Variants in LRRC49 observed in about 807,000 individuals in gnomAD.
LRRC49 encodes leucine rich repeat containing 49, also known as leucine-rich repeat-containing protein 49.
In LRRC49, 50 loss-of-function variants were observed where a neutral mutation model predicts 83.3. The observed-to-expected ratio is 0.60, with a 90% confidence interval of 0.48 to 0.76. The LOEUF is 0.76. Among genes scored for constraint, LRRC49 ranks in the 30% least tolerant of loss-of-function variants. The pLI, the probability that LRRC49 is intolerant of heterozygous loss-of-function variation, is 0.00. For synonymous variants in LRRC49, 286 were observed against 283.3 expected, an observed-to-expected ratio of 1.01 and a Z score of -0.10; for missense variants, 704 against 809.1, an observed-to-expected ratio of 0.87 and a Z score of 1.58.
At chr15:70,878,642 T>C (rs928551398) in intron 2 of LRRC49, among the ~76,000 whole-genome samples, 1 of 152,226 alleles carries the variant, frequency 6.6e-6, no homozygotes, top group Non-Finnish European at 1.5e-5. Context: ...CTTAGTTTAT[T>C]GGTAGGTTTT....
chr15:70,872,294 C>G (rs1366521268), intron 1 of LRRC49, among the ~76,000 whole-genome samples: 3 of 152,184 alleles, frequency 2.0e-5, no homozygotes, highest in Admixed American at 6.5e-5. Context: ...ACTGGGCAGG[C>G]TGAGGCAGGA....
intron 8 of LRRC49, among the ~76,000 whole-genome samples, chr15:70,942,809 T>TG (rs1033224610): frequency 1.3e-5 from 2 of 152,040 alleles, no homozygotes; most frequent in African/African-American, 4.8e-5. Context: ...CAACTCGAAG[T>TG]GGGGGGAGAA....
chr15:70,941,664 C>T (rs1400328452), intron 8 of LRRC49, among the ~76,000 whole-genome samples: 1 of 152,196 alleles, frequency 6.6e-6, no homozygotes, highest in African/African-American at 2.4e-5. Flanking sequence ...ATTATTATTA[C>T]ATAGCTTCTT....
intron 2 of LRRC49, among the ~76,000 whole-genome samples, chr15:70,885,717 A>C (rs1034311829): frequency 6.6e-6 from 1 of 152,238 alleles, no homozygotes; most frequent in Non-Finnish European, 1.5e-5. Flanking sequence ...TTCAAGATAT[A>C]TACCACCAAA....
intron 14 of LRRC49, among the ~76,000 whole-genome samples, chr15:71,032,912 A>C (rs1185378729): frequency 1.3e-5 from 2 of 152,238 alleles, no homozygotes; most frequent in Admixed American, 6.5e-5. Context: ...ATCATACTGA[A>C]TGGTCAAAAG....
At chr15:70,877,809 C>T (rs1380493104) in intron 2 of LRRC49, among the ~76,000 whole-genome samples, 1 of 152,178 alleles carries the variant, frequency 6.6e-6, no homozygotes, top group African/African-American at 2.4e-5. Context: ...GTTCCAGTTG[C>T]TATTGCTCTC....
intron 8 of LRRC49, among the ~76,000 whole-genome samples, chr15:70,942,910 A>G (rs765841475): frequency 1.1e-4 from 16 of 152,238 alleles, no homozygotes; most frequent in Non-Finnish European, 1.9e-4. Context: ...ACGTGATTGT[A>G]TAGATTTTAA....
chr15:70,865,844 A>G (rs1043315681), intron 1 of LRRC49, among the ~76,000 whole-genome samples: 2 of 152,194 alleles, frequency 1.3e-5, no homozygotes, highest in Admixed American at 6.5e-5. Context: ...AGAGGCAAGG[A>G]GGTATGGACT....
At chr15:70,975,699 AAAC>A (rs374802028) in intron 9 of LRRC49, among the ~76,000 whole-genome samples, 31 of 152,188 alleles carry the variant, frequency 2.0e-4, no homozygotes, top group African/African-American at 7.0e-4. Flanking sequence ...TCTCAAAACA[AAAC>A]AACAACACAA....
At chr15:70,895,962 T>A in intron 3 of LRRC49, 26 bp downstream of exon 3, 1 of 1,321,188 alleles carries the variant, frequency 7.6e-7, no homozygotes, top group African/African-American at 1.5e-5. Flanking sequence ...AGAGATCAGA[T>A]GTGGTTCATC....
chr15:71,049,539 A>T lies in LRRC49; in HGVS notation c.1988A>T (p.Asp663Val). 6.2e-7 allele frequency: 1 copy of T among 1,613,982 alleles called. No homozygotes were observed. The highest frequency in any genetic ancestry group is 8.5e-7 in the Non-Finnish European group (1 of 1,179,862). The change falls in exon 16 of 16, where the codon GAT becomes GTT. Residue 663 changes from aspartate to valine, a missense_variant. Asp to Val is a radical substitution (Grantham distance 152). Around this residue, in one of 3 missense-constraint regions of LRRC49, gnomAD observed 275 missense variants for 338.0 expected, o/e 0.81. Coordinates refer to ENST00000260382, the MANE Select transcript of LRRC49 (RefSeq NM_017691.5). Reference protein sequence around the residue: ...WPQMFIELVRDAVIEIRNKNS... With the variant: ...WPQMFIELVRVAVIEIRNKNS... Reference sequence around the variant, plus strand: ...CAGATGTTCATTGAGCTTGTTAGGGATGCAGTCATAGAAATTCGCAATAAA... The same window carrying T: ...CAGATGTTCATTGAGCTTGTTAGGGTTGCAGTCATAGAAATTCGCAATAAA...
chr15:70,931,630 A>T (rs1739968271), intron 7 of LRRC49, among the ~76,000 whole-genome samples: 1 of 152,132 alleles, frequency 6.6e-6, no homozygotes, highest in South Asian at 2.1e-4. Context: ...AATTTTTTTC[A>T]TTGCTCTTAT....
Position 71,049,392 on chromosome 15 carries a change from T to C in LRRC49, c.1858-17T>C, listed in dbSNP as rs200553976. On this transcript the variant is annotated splice_polypyrimidine_tract_variant and intron_variant, in intron 15 of 15. Coordinates refer to ENST00000260382, the MANE Select transcript of LRRC49 (RefSeq NM_017691.5). ...TTAGTTATGATTTAATACAAAACTT[T>C]CTCTTTTTTTTAACAGGAAATAAAG... 455 of 1,503,662 alleles carry C rather than the reference T, an allele frequency of 3.0e-4. No individual in the cohort carries two copies. The highest frequency in any genetic ancestry group is 3.9e-4 in the Non-Finnish European group (429 of 1,100,986). The allele number at this position is 1,503,662 out of a possible 1,614,324, so 93.1% of individuals were successfully genotyped here.
intron 2 of LRRC49, among the ~76,000 whole-genome samples, chr15:70,880,575 T>C (rs557411727): frequency 6.6e-6 from 1 of 152,364 alleles, no homozygotes; most frequent in East Asian, 1.9e-4. Context: ...ATATAAACTA[T>C]AAGTTCCTTA....
chr15:70,966,039 G>A (rs1025932512), intron 9 of LRRC49, among the ~76,000 whole-genome samples: 7 of 152,058 alleles, frequency 4.6e-5, no homozygotes, highest in African/African-American at 1.7e-4. Context: ...TGCTGCAATG[G>A]CAGAGTCAAG....
rs550046804 is a variant in LRRC49 at position 70,860,507 on chromosome 15, T to G, written c.-299+7038T>G. Among the ~76,000 whole-genome samples, 623 of 152,336 alleles carry G rather than the reference T, an allele frequency of 4.1e-3. 2 individuals are homozygous for G. The highest frequency in any genetic ancestry group is 6.3e-3 in the Non-Finnish European group (427 of 68,020). On this transcript the variant is annotated intron_variant, in intron 1 of 16. Coordinates refer to the LRRC49 transcript ENST00000544974. ...ATAACTCACTGTATCCTTAAACTCC[T>G]GGGCTCAAGCTATTTTCCTGCCTCA...
intron 9 of LRRC49, among the ~76,000 whole-genome samples, chr15:70,979,881 C>T (rs1238823241): frequency 6.6e-6 from 1 of 152,004 alleles, no homozygotes. Flanking sequence ...GTTCACGTCA[C>T]CTCCAGAGTT....
intron 6 of LRRC49, among the ~76,000 whole-genome samples, chr15:70,915,061 A>G (rs975881747): frequency 2.0e-5 from 3 of 152,302 alleles, no homozygotes; most frequent in Non-Finnish European, 4.4e-5. Flanking sequence ...ATATCAATCA[A>G]TCAAGACCTA....
At chr15:70,994,676 T>A (rs564399594) in intron 11 of LRRC49, among the ~76,000 whole-genome samples, 79 of 152,270 alleles carry the variant, frequency 5.2e-4, no homozygotes, top group African/African-American at 1.8e-3. Flanking sequence ...AGTTTTGCCA[T>A]GTTGCCCAGG....
Sources: gnomAD v4.1 joint callset for allele counts (sites outside exome capture counted in the v4.1 genomes callset) on GRCh38, gnomAD v4.1.1 for gene constraint, gnomAD v4.1.1 regional missense constraint, MANE v1.5 for transcripts, NCBI Gene and HGNC (gene_info 2026-07-23, HGNC 2026-07-21) for gene names.